The following TOM1 variants were observed in gnomAD, a reference collection of about 807,000 sequenced individuals.
TOM1 encodes target of myb1 membrane trafficking protein, also known as target of Myb protein 1.
In TOM1, 38 loss-of-function variants were observed where a neutral mutation model predicts 61.3. The ratio of observed to expected loss-of-function variants is 0.62; its 90% CI spans 0.48 to 0.81. TOM1 has a LOEUF of 0.81. TOM1 is among the 40% of genes least tolerant of loss of function. TOM1 has a pLI of 0.00. For synonymous variants in TOM1, 270 were observed against 268.8 expected (o/e 1.00, Z -0.04); for missense variants, 591 against 659.6 (o/e 0.90, Z 1.14).
intron 1 of TOM1, among the ~76,000 whole-genome samples, chr22:35,309,369 C>T (rs1333548476): frequency 3.3e-5 from 5 of 152,052 alleles, no homozygotes; most frequent in East Asian, 1.9e-4. Flanking sequence ...AGAGGCCAGG[C>T]GCAGTGGCTC....
rs372488046 is a variant in TOM1 at position 35,347,166 on chromosome 22, A to C, written c.1436A>C (p.Lys479Thr). The change falls in exon 15 of 15, where the codon AAG (lysine) becomes ACG (threonine). Residue 479 changes from lysine (K) to threonine (T), a missense_variant. By Grantham distance (78) the Lys-to-Thr change is moderately conservative. Coordinates refer to ENST00000449058, the MANE Select transcript of TOM1 (RefSeq NM_005488.3). ...CCCCCATCTGGCCCAGCGCCCCGGA[A>C]GAAGACCCAGGAGAAAGATGATGAC... ...PGPPSGPAPR[K>T]KTQEKDDDML... 2 of 1,613,092 alleles carry C rather than the reference A, an allele frequency of 1.2e-6. No homozygotes were observed. Among genetic ancestry groups the C allele is most frequent in the Admixed American group, 3.3e-5 (2 of 59,710 alleles).
intron 1 of TOM1, among the ~76,000 whole-genome samples, chr22:35,304,205 TG>T (rs1339595613): frequency 6.6e-6 from 1 of 152,184 alleles, no homozygotes; most frequent in Non-Finnish European, 1.5e-5. Flanking sequence ...TGCCTCGAGC[TG>T]CCCAGTGCTT....
intron 11 of TOM1, among the ~76,000 whole-genome samples, chr22:35,335,987 A>G (rs939642522): frequency 1.3e-5 from 2 of 152,052 alleles, no homozygotes; most frequent in African/African-American, 4.8e-5. Context: ...TCACACAGGG[A>G]AGGGGGCAGG....
At chr22:35,316,020 C>CATCCTGTGGAT (rs1382220137) in intron 1 of TOM1, among the ~76,000 whole-genome samples, 3 of 152,284 alleles carry the variant, frequency 2.0e-5, no homozygotes, top group Non-Finnish European at 4.4e-5. Context: ...GACAGCGTGA[C>CATCCTGTGGAT]ATCACGTGGA....
At chr22:35,333,755 A>G (rs1405106421) in intron 10 of TOM1, among the ~76,000 whole-genome samples, 1 of 152,096 alleles carries the variant, frequency 6.6e-6, no homozygotes, top group Non-Finnish European at 1.5e-5. Context: ...TGAATTCTCC[A>G]TGGCTTCAAT....
intron 1 of TOM1, 23 bp from the exon 2 acceptor site, chr22:35,317,854 T>A (rs772816357): frequency 6.2e-7 from 1 of 1,606,460 alleles, no homozygotes. Flanking sequence ...CTCATGACTT[T>A]ATGACTCCTG....
chr22:35,304,644 A>C (rs943842282), intron 1 of TOM1, among the ~76,000 whole-genome samples: 1 of 151,984 alleles, frequency 6.6e-6, no homozygotes, highest in African/African-American at 2.4e-5. Context: ...ACACCTGGCT[A>C]ATTTTTTGTA....
intron 1 of TOM1, among the ~76,000 whole-genome samples, chr22:35,308,262 T>G (rs1333906491): frequency 6.6e-6 from 1 of 150,894 alleles, no homozygotes; most frequent in African/African-American, 2.4e-5. Context: ...TTCTTTCTGC[T>G]AGTTCCTTTT....
chr22:35,323,724 G>T lies in TOM1; in HGVS notation c.502-44G>T. ...CTGGCCCCTGACTTCCTGGGCTCTTGATGTTCCCAGGAGCCCTCACTGATC... is the reference window on the plus strand; with the variant it reads ...CTGGCCCCTGACTTCCTGGGCTCTTTATGTTCCCAGGAGCCCTCACTGATC... On this transcript the variant is annotated intron_variant, in intron 5 of 14. Coordinates refer to ENST00000449058, the MANE Select transcript of TOM1 (RefSeq NM_005488.3). This position sits in a 1 kb window ranked among gnomAD's most constrained non-coding sequence, Gnocchi z 4.2. 6.2e-7 allele frequency: 1 copy of T among 1,603,956 alleles called. No individual in the cohort carries two copies. The highest frequency in any genetic ancestry group is 8.5e-7 in the Non-Finnish European group (1 of 1,173,272).
chr22:35,345,646 C>T, intron 12 of TOM1, 79 bp from the exon 13 acceptor site: 2 of 1,490,956 alleles, frequency 1.3e-6, no homozygotes, highest in Non-Finnish European at 1.9e-6. Context: ...CCAGGGCCAC[C>T]CAGCTGCAGG....
In TOM1 at chr22:35,331,343, C is replaced by T. The variant is rs556724944; in HGVS notation, c.899+863C>T. On this transcript the variant is annotated intron_variant, in intron 8 of 14. Transcript: ENST00000449058. ...CCCAGGCTAGTCTCAAACTCTTGGC[C>T]TCAAGCAGTCCTCCCTCCTTGGCCT... 1,312 of 454,316 alleles carry T rather than the reference C, an allele frequency of 2.9e-3. 14 individuals carry two copies. The highest frequency in any genetic ancestry group is 0.013 in the South Asian group (867 of 64,300). 28.1% of individuals were successfully genotyped at this position (454,316 alleles called of 1,614,324 possible). A position where few individuals can be genotyped will look rare whatever the true frequency, so the allele number is the denominator to read the frequency against.
intron 1 of TOM1, among the ~76,000 whole-genome samples, chr22:35,314,128 CAT>C (rs1215887368): frequency 3.3e-5 from 5 of 152,226 alleles, no homozygotes. Flanking sequence ...AGGAAATCCA[CAT>C]GATTCACCGC....
At chr22:35,346,429 C>T (rs1322576623) in intron 13 of TOM1, among the ~76,000 whole-genome samples, 2 of 152,244 alleles carry the variant, frequency 1.3e-5, no homozygotes, top group African/African-American at 4.8e-5. Flanking sequence ...AGCCACAGAC[C>T]AAGGACTCAG....
chr22:35,342,621 G>A (rs1929960043), intron 12 of TOM1, among the ~76,000 whole-genome samples: 1 of 151,774 alleles, frequency 6.6e-6, no homozygotes, highest in African/African-American at 2.4e-5. Flanking sequence ...AGCCTACCCA[G>A]GGCGCTGGCA....
At chr22:35,337,301 C>G (rs1214575946) in intron 11 of TOM1, among the ~76,000 whole-genome samples, 1 of 152,216 alleles carries the variant, frequency 6.6e-6, no homozygotes, top group African/African-American at 2.4e-5. Context: ...CTTCTTCAGC[C>G]TTGCCCACAA....
At chr22:35,343,731 CCCA>C (rs574746599) in intron 12 of TOM1, among the ~76,000 whole-genome samples, 2,905 of 99,710 alleles carry the variant, frequency 0.029, 100 homozygotes, top group African/African-American at 0.091. Flanking sequence ...CACATCTACA[CCCA>C]CCACACCTAC....
chr22:35,311,652 C>T (rs1926836733), intron 1 of TOM1, among the ~76,000 whole-genome samples: 2 of 152,218 alleles, frequency 1.3e-5, no homozygotes, highest in Non-Finnish European at 2.9e-5. Context: ...CCCAGGCAGG[C>T]AGAGGCAGTC....
chr22:35,331,694 G>A (rs1180361549), intron 8 of TOM1, among the ~76,000 whole-genome samples: 2 of 152,154 alleles, frequency 1.3e-5, no homozygotes, highest in African/African-American at 4.8e-5. Flanking sequence ...AACCAGCCAG[G>A]CCAACATGGT....
intron 2 of TOM1, among the ~76,000 whole-genome samples, chr22:35,319,739 G>A (rs1220373719): frequency 2.6e-5 from 4 of 152,222 alleles, no homozygotes; most frequent in African/African-American, 7.2e-5. Context: ...TCAGTGGCCA[G>A]GCCAAGACCA....
Sources: gnomAD v4.1 joint callset for allele counts (sites outside exome capture counted in the v4.1 genomes callset) on GRCh38, gnomAD v4.1.1 for gene constraint, Gnocchi (gnomAD v3.1) non-coding constraint, MANE v1.5 for transcripts, NCBI Gene and HGNC (gene_info 2026-07-23, HGNC 2026-07-21) for gene names.